Variants in CSMD3 observed in about 807,000 individuals in gnomAD.
The protein encoded by CSMD3 is CUB and sushi domain-containing protein 3.
Under a neutral mutation model 435.2 loss-of-function variants are expected in CSMD3, and 177 were observed. That is an observed-to-expected ratio of 0.41 (90% CI 0.36 to 0.46). The LOEUF is 0.46. Among genes scored for constraint, CSMD3 ranks in the 20% least tolerant of loss-of-function variants. CSMD3 has a pLI of 0.34. For missense variants in CSMD3, 4,265 were observed against 4,504.6 expected (o/e 0.95, Z 1.52); for synonymous variants, 1,656 against 1,520.5 (o/e 1.09, Z -2.07).
intron 9 of CSMD3, among the ~76,000 whole-genome samples, chr8:112,931,964 C>T (rs10113339): frequency 0.024 from 3,698 of 152,050 alleles, 165 homozygotes; most frequent in African/African-American, 0.083. Context: ...GGTGAGGATG[C>T]GGAGGAAAGG....
At chr8:113,239,977 T>C (rs2132236996) in intron 3 of CSMD3, among the ~76,000 whole-genome samples, 1 of 152,248 alleles carries the variant, frequency 6.6e-6, no homozygotes, top group African/African-American at 2.4e-5. Flanking sequence ...TACTCATTAG[T>C]AATTTTTCCT....
rs1384124567 is a variant in CSMD3, at chr8:113,082,729, G to T, written c.917+16027C>A. On this transcript the variant is annotated intron_variant, in intron 5 of 70. Coordinates refer to ENST00000297405, the MANE Select transcript of CSMD3 (RefSeq NM_198123.2). ...AAATCAGGAAAACAATTCTTAATCTGAATGAGAAATTCAACAGAGATATCA... is the reference window on the plus strand; with the variant it reads ...AAATCAGGAAAACAATTCTTAATCTTAATGAGAAATTCAACAGAGATATCA... 2.0e-5 allele frequency among the ~76,000 whole-genome samples: 3 copies of T among 152,144 alleles called. No individual in the cohort carries two copies. In the East Asian group the frequency reaches 5.8e-4, roughly 29 times the overall value.
At chr8:113,018,135 T>C (rs1232488376) in intron 6 of CSMD3, among the ~76,000 whole-genome samples, 1 of 152,072 alleles carries the variant, frequency 6.6e-6, no homozygotes, top group Non-Finnish European at 1.5e-5. Flanking sequence ...AAAGTCAAAT[T>C]ACAAATCACA....
At chr8:112,454,023 T>C (rs1188555758) in intron 32 of CSMD3, among the ~76,000 whole-genome samples, 1 of 152,174 alleles carries the variant, frequency 6.6e-6, no homozygotes. Flanking sequence ...CAATAATTGG[T>C]GCTGGGATAA....
intron 1 of CSMD3, among the ~76,000 whole-genome samples, chr8:113,365,934 T>A (rs1301866485): frequency 6.6e-6 from 1 of 152,046 alleles, no homozygotes; most frequent in Admixed American, 6.6e-5. Context: ...CACCAAATTA[T>A]ATAATTTTCC....
chr8:112,698,144 T>C (rs1167630358), intron 13 of CSMD3, among the ~76,000 whole-genome samples: 1 of 150,808 alleles, frequency 6.6e-6, no homozygotes. Context: ...AGGTTAAGTA[T>C]ATGTGAAGAA....
intron 27 of CSMD3, among the ~76,000 whole-genome samples, chr8:112,546,151 G>C (rs1477353651): frequency 6.6e-6 from 1 of 152,220 alleles, no homozygotes; most frequent in Non-Finnish European, 1.5e-5. Flanking sequence ...ACCTCTGGAT[G>C]TATATAAATG....
chr8:113,019,544 A>G (rs1030449657), intron 5 of CSMD3, among the ~76,000 whole-genome samples: 15 of 148,754 alleles, frequency 1.0e-4, no homozygotes, highest in African/African-American at 3.7e-4. Flanking sequence ...ATTATTTATT[A>G]TATCTTATTT....
chr8:113,101,159 G>A (rs961055820), intron 4 of CSMD3, among the ~76,000 whole-genome samples: 1 of 152,122 alleles, frequency 6.6e-6, no homozygotes, highest in Admixed American at 6.6e-5. Context: ...CCACAGAGGT[G>A]TCCCCATCAG....
intron 13 of CSMD3, among the ~76,000 whole-genome samples, chr8:112,784,203 A>G (rs1364050929): frequency 6.6e-6 from 1 of 152,116 alleles, no homozygotes; most frequent in African/African-American, 2.4e-5. Context: ...TAATGAAATT[A>G]AGAAGGAAAT....
chr8:112,792,644 C>T (rs2078719601), intron 13 of CSMD3, among the ~76,000 whole-genome samples: 1 of 152,086 alleles, frequency 6.6e-6, no homozygotes, highest in Non-Finnish European at 1.5e-5. Flanking sequence ...GGCTTTTCTT[C>T]TATGTTTTAT....
chr8:112,706,113 T>C (rs1200112441), intron 13 of CSMD3, among the ~76,000 whole-genome samples: 1 of 152,048 alleles, frequency 6.6e-6, no homozygotes, highest in Non-Finnish European at 1.5e-5. Flanking sequence ...ATTGTAAAAA[T>C]CTCAAATCAG....
At chr8:112,520,800 T>C (rs746663898) in intron 27 of CSMD3, among the ~76,000 whole-genome samples, 1 of 151,998 alleles carries the variant, frequency 6.6e-6, no homozygotes, top group Non-Finnish European at 1.5e-5. Context: ...CCACTCCAAC[T>C]GCTTTTTCAC....
At chr8:113,101,486 C>T (rs1156552042) in intron 4 of CSMD3, among the ~76,000 whole-genome samples, 1 of 151,828 alleles carries the variant, frequency 6.6e-6, no homozygotes, top group Non-Finnish European at 1.5e-5. Context: ...TATTATATTC[C>T]GTAAGCTCCA....
intron 16 of CSMD3, among the ~76,000 whole-genome samples, chr8:112,680,744 G>A (rs765872222): frequency 2.0e-5 from 3 of 152,014 alleles, no homozygotes; most frequent in South Asian, 2.1e-4. Flanking sequence ...ATAATTACAC[G>A]GTCTGGGATT....
chr8:112,480,701 T>A lies in CSMD3; in HGVS notation c.5279-7994A>T, dbSNP rs753409914. ...CACCTTCCACCATGATTGGAAGCCT[T>A]CTGAGACCCTCACTAGAAGCATGGC... On this transcript the variant is annotated intron_variant, in intron 31 of 70. Transcript: ENST00000297405. 2.0e-5 allele frequency among the ~76,000 whole-genome samples: 3 copies of A among 152,236 alleles called. No individual in the cohort carries two copies. In the East Asian group the frequency reaches 5.8e-4, roughly 29 times the overall value.
At chr8:112,571,165 GC>G (rs1829482487) in intron 24 of CSMD3, among the ~76,000 whole-genome samples, 1 of 151,830 alleles carries the variant, frequency 6.6e-6, no homozygotes, top group African/African-American at 2.4e-5. Context: ...GTGCCACCAC[GC>G]CCAGCTAATT....
chr8:113,114,492 T>C (rs1452141637), intron 4 of CSMD3, among the ~76,000 whole-genome samples: 1 of 152,120 alleles, frequency 6.6e-6, no homozygotes, highest in Non-Finnish European at 1.5e-5. Context: ...CTTGGAAAGA[T>C]ATTGGAGAGA....
chr8:112,259,809 T>C (rs1816208120), intron 61 of CSMD3, among the ~76,000 whole-genome samples: 1 of 152,172 alleles, frequency 6.6e-6, no homozygotes, highest in Admixed American at 6.5e-5. Flanking sequence ...GTATATTCAG[T>C]ACATTTTGAA....
Sources: allele counts gnomAD v4.1 joint callset (sites outside exome capture counted in the v4.1 genomes callset), GRCh38; gene constraint gnomAD v4.1.1; transcripts MANE v1.5; gene names NCBI Gene and HGNC (gene_info 2026-07-23, HGNC 2026-07-21).